Variants in IL1RAPL1 observed in about 807,000 individuals in gnomAD.
IL1RAPL1 encodes interleukin 1 receptor accessory protein like 1.
IL1RAPL1 carries 3 observed loss-of-function variants against 48.4 expected under a neutral mutation model. That is an observed-to-expected ratio of 0.06 (90% CI 0.03 to 0.16). IL1RAPL1 has a LOEUF of 0.16. IL1RAPL1 is among the 10% of genes least tolerant of loss of function. The pLI, the probability that IL1RAPL1 is intolerant of heterozygous loss-of-function variation, is 1.00. For synonymous variants in IL1RAPL1, 185 were observed against 187.7 expected (o/e 0.99, Z 0.12); for missense variants, 349 against 530.6 (o/e 0.66, Z 3.36).
chrX:29,192,150 G>A (rs765175713), intron 2 of IL1RAPL1, among the ~76,000 whole-genome samples: 31 of 111,611 alleles, frequency 2.8e-4, no homozygotes, highest in Non-Finnish European at 5.1e-4. Flanking sequence ...AAGGGGACAC[G>A]ACTCGCAGGC....
intron 3 of IL1RAPL1, among the ~76,000 whole-genome samples, chrX:29,389,962 C>T (rs1213364746): frequency 8.9e-6 from 1 of 111,813 alleles, no homozygotes; most frequent in East Asian, 2.8e-4. Context: ...TTAGTAGCTA[C>T]AAACATACTG....
chrX:29,404,215 C>T (rs1225351538), intron 5 of IL1RAPL1, among the ~76,000 whole-genome samples: 1 of 111,995 alleles, frequency 8.9e-6, no homozygotes, highest in Admixed American at 9.5e-5. Context: ...TTCATATGTT[C>T]AGCCCTTCTT....
At chrX:28,914,721 A>AGG (rs774860381) in intron 2 of IL1RAPL1, among the ~76,000 whole-genome samples, 1 of 112,493 alleles carries the variant, frequency 8.9e-6, no homozygotes, top group East Asian at 2.8e-4. Context: ...TAAACAAACA[A>AGG]GGTTGATATA....
At chrX:29,333,917 G>A (rs1932929116) in intron 3 of IL1RAPL1, among the ~76,000 whole-genome samples, 1 of 92,816 alleles carries the variant, frequency 1.1e-5, no homozygotes, top group African/African-American at 4.1e-5. Flanking sequence ...CGGCTGGCCA[G>A]GCGGGGGGCT....
At chrX:28,608,043 A>AC (rs1255188900) in intron 1 of IL1RAPL1, among the ~76,000 whole-genome samples, 1 of 111,544 alleles carries the variant, frequency 9.0e-6, no homozygotes, top group East Asian at 2.8e-4. Flanking sequence ...CTGGATGCCT[A>AC]CTGGTCTATA....
At position 28,953,382 on chromosome X, in the gene IL1RAPL1, A is replaced by C. The variant is rs1159950862; in HGVS notation, c.82+163957A>C. On this transcript the variant is annotated intron_variant, in intron 2 of 10. Transcript: ENST00000378993. The stretch of plus-strand genomic sequence containing the variant: ...ATTAAGCTAACATTAAGATGACCAA[A>C]CCAGTATGTTTTATTCCATTTGGAA... Among the ~76,000 whole-genome samples the C allele has an allele frequency of 2.7e-5, 3 of 111,547 alleles. No individual in the cohort carries two copies. In the Admixed American group the frequency reaches 2.9e-4, roughly 11 times the overall value.
intron 2 of IL1RAPL1, among the ~76,000 whole-genome samples, chrX:29,018,429 A>G (rs1926289042): frequency 8.9e-6 from 1 of 112,166 alleles, no homozygotes; most frequent in Non-Finnish European, 1.9e-5. Context: ...TCATCATGGG[A>G]TTCTGGAAAC....
chrX:29,782,139 T>TATCTATC (rs1189632721), intron 6 of IL1RAPL1, among the ~76,000 whole-genome samples: 1 of 109,851 alleles, frequency 9.1e-6, no homozygotes, highest in Non-Finnish European at 1.9e-5. Context: ...TCTATCTATC[T>TATCTATC]ATCTATGTAC....
intron 5 of IL1RAPL1, among the ~76,000 whole-genome samples, chrX:29,474,721 A>G (rs1056309649): frequency 8.9e-6 from 1 of 111,847 alleles, no homozygotes; most frequent in African/African-American, 3.3e-5. Context: ...AATGAGAAAG[A>G]ACTCATCACC....
chrX:28,834,500 C>T (rs1291524994), intron 2 of IL1RAPL1, among the ~76,000 whole-genome samples: 15 of 110,522 alleles, frequency 1.4e-4, no homozygotes, highest in African/African-American at 3.6e-4. Context: ...AACAAAAAGC[C>T]TTCTTATAAT....
intron 6 of IL1RAPL1, among the ~76,000 whole-genome samples, chrX:29,701,108 T>C (rs912416267): frequency 4.5e-5 from 5 of 112,038 alleles, no homozygotes; most frequent in African/African-American, 1.6e-4. Flanking sequence ...ATAAGTTCAA[T>C]GTTGGGTCAT....
chrX:29,588,144 G>C (rs925073907), intron 5 of IL1RAPL1, among the ~76,000 whole-genome samples: 2 of 112,374 alleles, frequency 1.8e-5, no homozygotes, highest in Admixed American at 9.4e-5. Context: ...TACTGCCCTA[G>C]AGACCTAACA....
intron 5 of IL1RAPL1, among the ~76,000 whole-genome samples, chrX:29,483,997 A>AG (rs1192652012): frequency 6.2e-5 from 5 of 80,055 alleles, no homozygotes; most frequent in African/African-American, 2.4e-4. Context: ...CTGGCCCAGT[A>AG]GTCCATTAAA....
intron 1 of IL1RAPL1, among the ~76,000 whole-genome samples, chrX:28,762,682 G>C (rs1454664605): frequency 3.7e-5 from 4 of 109,079 alleles, no homozygotes; most frequent in Admixed American, 2.0e-4. Context: ...TGTTTTATTT[G>C]GCTCTGTAGA....
At chrX:29,114,179 T>G (rs2147472432) in intron 2 of IL1RAPL1, among the ~76,000 whole-genome samples, 1 of 112,242 alleles carries the variant, frequency 8.9e-6, no homozygotes, top group Non-Finnish European at 1.9e-5. Flanking sequence ...TAAGAATTTC[T>G]TATGAGTTTG....
intron 2 of IL1RAPL1, among the ~76,000 whole-genome samples, chrX:28,972,768 A>T (rs1479719270): frequency 9.0e-6 from 1 of 110,856 alleles, no homozygotes; most frequent in Admixed American, 9.5e-5. Flanking sequence ...TCAACAACAA[A>T]AAAACAAAAA....
At chrX:29,333,029 A>G (rs1438218013) in intron 3 of IL1RAPL1, among the ~76,000 whole-genome samples, 2 of 112,119 alleles carry the variant, frequency 1.8e-5, no homozygotes, top group Non-Finnish European at 3.8e-5. Flanking sequence ...CAAAATGAAA[A>G]GTCTCCCATG....
At chrX:28,868,259 G>A (rs1054392119) in intron 2 of IL1RAPL1, among the ~76,000 whole-genome samples, 2 of 111,454 alleles carry the variant, frequency 1.8e-5, no homozygotes, top group South Asian at 3.7e-4. Flanking sequence ...ATCAATTTGT[G>A]TTGGAATCCA....
intron 2 of IL1RAPL1, among the ~76,000 whole-genome samples, chrX:29,177,127 T>C (rs933167036): frequency 2.7e-5 from 3 of 111,429 alleles, no homozygotes; most frequent in Non-Finnish European, 3.8e-5. Flanking sequence ...TGAGCTGAAT[T>C]CTGCTTCAGT....
Sources: allele counts gnomAD v4.1 joint callset (sites outside exome capture counted in the v4.1 genomes callset), GRCh38; gene constraint gnomAD v4.1.1; transcripts MANE v1.5; gene names NCBI Gene and HGNC (gene_info 2026-07-23, HGNC 2026-07-21).